The following ZC3H12D variants were observed in gnomAD, a reference collection of about 807,000 sequenced individuals.
The protein encoded by ZC3H12D is probable ribonuclease ZC3H12D.
ZC3H12D carries 11 observed loss-of-function variants against 24.2 expected under a neutral mutation model. The ratio of observed to expected loss-of-function variants is 0.46; its 90% confidence interval spans 0.29 to 0.75. ZC3H12D has a LOEUF of 0.75. Among genes scored for constraint, ZC3H12D ranks in the 30% least tolerant of loss-of-function variants. ZC3H12D has a pLI of 0.11. For synonymous variants in ZC3H12D, 333 were observed against 341.8 expected, an observed-to-expected ratio of 0.97 and a Z score of 0.28; for missense variants, 740 against 767.7, an observed-to-expected ratio of 0.96 and a Z score of 0.43.
Position 149,450,612 on chromosome 6 carries a change from G to C in ZC3H12D, c.*71C>G, listed in dbSNP as rs1267561318. The C allele has an allele frequency of 7.1e-7, 1 of 1,404,224 alleles. No individual in the cohort carries two copies. Among genetic ancestry groups the C allele is most frequent in the Non-Finnish European group, 9.4e-7 (1 of 1,066,540 alleles). 87.0% of individuals were successfully genotyped at this position (1,404,224 alleles called of 1,614,324 possible). A position where few individuals can be genotyped will look rare whatever the true frequency, so the allele number is the denominator to read the frequency against. On this transcript the variant is annotated 3_prime_UTR_variant, in exon 6 of 6. Coordinates refer to ENST00000409806, the MANE Select transcript of ZC3H12D (RefSeq NM_207360.3). ...GATGGGCCCACTCAGGTCCAGGCTGGCAACCACAGGTCCACCCGTCCAAGA... is the reference window on the plus strand; with the variant it reads ...GATGGGCCCACTCAGGTCCAGGCTGCCAACCACAGGTCCACCCGTCCAAGA...
At position 149,474,441 on chromosome 6, in the gene ZC3H12D, C is replaced by T. The variant is rs1395085604; in HGVS notation, c.103G>A (p.Asp35Asn). ...GKLGEGALVN[D>N]VLQELIRTGS... ...GTGCGGATAAGCTCCTGCAGCACGT[C>T]GTTGACCAGGGCGCCCTCGCCCAGC... The change falls in exon 2 of 6, where the codon GAC (aspartate) becomes AAC (asparagine). Residue 35 changes from aspartate to asparagine, a missense_variant. Asp to Asn is a conservative substitution (Grantham distance 23). Transcript: ENST00000409806. 8.7e-6 allele frequency: 14 copies of T among 1,604,442 alleles called. No homozygotes were observed. The highest frequency in any genetic ancestry group is 1.1e-5 in the Non-Finnish European group (13 of 1,172,664).
chr6:149,475,828 T>C (rs758614421), intron 1 of ZC3H12D, among the ~76,000 whole-genome samples: 44 of 152,040 alleles, frequency 2.9e-4, no homozygotes, highest in Admixed American at 6.5e-4. Context: ...TCCTGATAGA[T>C]GGCTTCTAAA....
In ZC3H12D at chr6:149,452,630, T is replaced by G. The variant is rs904683061; in HGVS notation, c.773A>C (p.Gln258Pro). Residue 258 changes from glutamine to proline, a missense_variant, in exon 5 of 6, where the codon CAG (glutamine) becomes CCG (proline). Coordinates refer to ENST00000409806, the MANE Select transcript of ZC3H12D (RefSeq NM_207360.3). The surrounding 1 kb of genome is among the most constrained non-coding windows in gnomAD (Gnocchi z 4.0). ...GCCCTACCCACCATAAGGACAATGCTGCCAGGATGGCTCTGGGGGCTTCGG... is the reference window on the plus strand; with the variant it reads ...GCCCTACCCACCATAAGGACAATGCGGCCAGGATGGCTCTGGGGGCTTCGG... The part of the protein sequence containing the change: ...RKPKPPEPSW[Q>P]HCPYGKKCTY... 14 of 1,591,454 alleles carry G rather than the reference T, an allele frequency of 8.8e-6. No homozygotes were observed. The highest frequency in any genetic ancestry group is 1.2e-5 in the Non-Finnish European group (14 of 1,169,980).
In ZC3H12D at chr6:149,452,724, T is replaced by A; in HGVS notation, c.681-2A>T. The A allele has an allele frequency of 6.3e-7, 1 of 1,595,806 alleles. No individual in the cohort carries two copies. The highest frequency in any genetic ancestry group is 8.5e-7 in the Non-Finnish European group (1 of 1,172,846). ...AGGGGGTCATCAGGCGGCATGAACCTGGAAAATAAGCACAGGGGCAACTGC... is the reference window on the plus strand; with the variant it reads ...AGGGGGTCATCAGGCGGCATGAACCAGGAAAATAAGCACAGGGGCAACTGC... On this transcript the variant is annotated splice_acceptor_variant, in intron 4 of 5. Coordinates refer to ENST00000409806, the MANE Select transcript of ZC3H12D (RefSeq NM_207360.3). LOFTEE classifies it high-confidence loss of function. This position sits in a 1 kb window ranked among gnomAD's most constrained non-coding sequence, Gnocchi z 4.0.
chr6:149,484,159 T>C (rs545990025), intron 1 of ZC3H12D, among the ~76,000 whole-genome samples: 17 of 152,290 alleles, frequency 1.1e-4, no homozygotes, highest in African/African-American at 3.1e-4. Context: ...CACCCCACGA[T>C]TGGCATTGCC....
At chr6:149,475,204 G>A (rs185642693) in intron 1 of ZC3H12D, among the ~76,000 whole-genome samples, 4 of 151,972 alleles carry the variant, frequency 2.6e-5, no homozygotes, top group East Asian at 3.9e-4. Context: ...TTCCCTTAAC[G>A]CCCCAGTCTG....
chr6:149,459,222 T>C (rs1459300590), intron 3 of ZC3H12D, among the ~76,000 whole-genome samples: 2 of 152,236 alleles, frequency 1.3e-5, no homozygotes, highest in Non-Finnish European at 2.9e-5. Context: ...TCCCACATTA[T>C]ATTTAAGTAT....
intron 2 of ZC3H12D, among the ~76,000 whole-genome samples, chr6:149,467,252 C>A (rs1307070180): frequency 6.6e-6 from 1 of 150,906 alleles, no homozygotes; most frequent in Non-Finnish European, 1.5e-5. Flanking sequence ...CTTCTTGGAG[C>A]TCTTTTTTTT....
intron 1 of ZC3H12D, among the ~76,000 whole-genome samples, chr6:149,478,399 T>G (rs1051015452): frequency 1.3e-5 from 2 of 152,140 alleles, no homozygotes; most frequent in African/African-American, 4.8e-5. Flanking sequence ...ACTAATTTTT[T>G]TTTTGTTTTG....
At chr6:149,466,580 TTA>T (rs1776166277) in intron 2 of ZC3H12D, among the ~76,000 whole-genome samples, 1 of 151,930 alleles carries the variant, frequency 6.6e-6, no homozygotes, top group South Asian at 2.1e-4. Context: ...CACAATTATT[TTA>T]AAACTTGTTT....
Position 149,451,116 on chromosome 6 carries a change from C to G in ZC3H12D, c.1151G>C (p.Arg384Pro), listed in dbSNP as rs1188624907. ...GGPDWVSAGGRVPGPLSLPSP... is the reference protein window; with the variant it reads ...GGPDWVSAGGPVPGPLSLPSP... ...AGGGAGGCTGAGCGGGCCTGGCACC[C>G]GGCCGCCCGCGGACACCCAGTCGGG... The change falls in exon 6 of 6, where the codon CGG becomes CCG. Residue 384 changes from arginine to proline, a missense_variant. By Grantham distance (103) the Arg-to-Pro change is moderately radical. Transcript: ENST00000409806. The G allele has an allele frequency of 7.4e-7, 1 of 1,346,342 alleles. No individual in the cohort carries two copies. The highest frequency in any genetic ancestry group is 1.5e-5 in the African/African-American group (1 of 64,954). The allele number at this position is 1,346,342 out of a possible 1,614,324, so 83.4% of individuals were successfully genotyped here. A position where few individuals can be genotyped will look rare whatever the true frequency, so the allele number is the denominator to read the frequency against.
intron 2 of ZC3H12D, among the ~76,000 whole-genome samples, chr6:149,464,832 A>T (rs395037): frequency 0.36 from 55,338 of 151,978 alleles, 10,614 homozygotes; most frequent in African/African-American, 0.46. Context: ...GAAAGACAGG[A>T]GTGGGGCTGG....
chr6:149,477,361 C>T (rs145921725), intron 1 of ZC3H12D, among the ~76,000 whole-genome samples: 111 of 152,352 alleles, frequency 7.3e-4, no homozygotes, highest in Non-Finnish European at 1.3e-3. Context: ...ATGGCAGGCA[C>T]CACGTGAAAC....
At chr6:149,458,111 CTTT>C (rs57317596) in intron 3 of ZC3H12D, among the ~76,000 whole-genome samples, 1 of 80,240 alleles carries the variant, frequency 1.2e-5, no homozygotes, top group Non-Finnish European at 2.4e-5. Flanking sequence ...CTTTCTTTTT[CTTT>C]TTTTTTTTCG....
chr6:149,471,792 C>G (rs1776248296), intron 2 of ZC3H12D, among the ~76,000 whole-genome samples: 1 of 152,226 alleles, frequency 6.6e-6, no homozygotes, highest in Admixed American at 6.5e-5. Context: ...AACAGGCACA[C>G]TGAAGAACAT....
chr6:149,469,563 T>C (rs951928935), intron 2 of ZC3H12D, among the ~76,000 whole-genome samples: 3 of 152,224 alleles, frequency 2.0e-5, no homozygotes, highest in African/African-American at 7.2e-5. Context: ...CTGCCTTCTT[T>C]TTAAAAAGTT....
chr6:149,451,779 G>A (rs1775901340), intron 5 of ZC3H12D, among the ~76,000 whole-genome samples: 1 of 152,202 alleles, frequency 6.6e-6, no homozygotes. Flanking sequence ...CTTTGACCAG[G>A]GACTAAGACC....
At chr6:149,453,648 G>A (rs1295228115) in intron 4 of ZC3H12D, among the ~76,000 whole-genome samples, 1 of 152,136 alleles carries the variant, frequency 6.6e-6, no homozygotes, top group Non-Finnish European at 1.5e-5. Context: ...GAACTTCCCA[G>A]GTGATTTTTA....
chr6:149,451,556 G>T, intron 5 of ZC3H12D, 77 bp from the exon 6 acceptor site: 1 of 1,291,326 alleles, frequency 7.7e-7, no homozygotes, highest in Non-Finnish European at 1.0e-6. Flanking sequence ...GGTGCATCCG[G>T]GGAGTGCCGG....
Sources: allele counts gnomAD v4.1 joint callset (sites outside exome capture counted in the v4.1 genomes callset), GRCh38; gene constraint gnomAD v4.1.1; non-coding constraint Gnocchi (gnomAD v3.1); transcripts MANE v1.5; gene names NCBI Gene and HGNC (gene_info 2026-07-23, HGNC 2026-07-21).